Variants in MAMDC4 observed in about 807,000 individuals in gnomAD.
The protein encoded by MAMDC4 is MAM domain containing 4.
In MAMDC4, 168 loss-of-function variants were observed where a neutral mutation model predicts 153.3. The observed-to-expected ratio is 1.10, with a 90% CI of 0.97 to 1.25. MAMDC4 has a LOEUF of 1.25. Ranked by LOEUF, MAMDC4 falls within the 50% of genes most tolerant of loss-of-function variation. MAMDC4 has a pLI of 0.00. For missense variants in MAMDC4, 1,701 were observed against 1,542.8 expected, an observed-to-expected ratio of 1.10 and a Z score of -1.72; for synonymous variants, 744 against 651.5, an observed-to-expected ratio of 1.14 and a Z score of -2.16.
At chr9:136,856,624 C>T (rs765903938) in intron 14 of MAMDC4, 86 bp from the exon 15 acceptor site, 1 of 1,352,226 alleles carries the variant, frequency 7.4e-7, no homozygotes, top group South Asian at 1.2e-5. Context: ...CCTTACACTC[C>T]TCCAGGGACC....
Position 136,857,418 on chromosome 9 carries a change from G to A in MAMDC4, c.2158G>A (p.Asp720Asn), listed in dbSNP as rs768076587. ...DGYHGTMALD[D>N]VAVRPGPCWA... ...ATACCACGGCACCATGGCGCTGGAC[G>A]ATGTGGCCGTGCGGCCGGGCCCCTG... Residue 720 changes from aspartate (D) to asparagine (N), a missense_variant, in exon 18 of 27, where the codon GAT becomes AAT. By Grantham distance (23) the Asp-to-Asn change is conservative. Coordinates refer to ENST00000317446, the MANE Select transcript of MAMDC4 (RefSeq NM_206920.3). The A allele has an allele frequency of 1.6e-5, 26 of 1,608,290 alleles. No homozygotes were observed. Among genetic ancestry groups the A allele is most frequent in the Admixed American group, 1.3e-4 (8 of 60,016 alleles).
At chr9:136,859,354 C>A in intron 25 of MAMDC4, 37 bp downstream of exon 25, 1 of 1,559,830 alleles carries the variant, frequency 6.4e-7, no homozygotes. Context: ...CGGAGGAGGG[C>A]CCAAGGGGCC....
rs375923464 is a variant in MAMDC4, at chr9:136,854,632, G to A, written c.890G>A (p.Arg297His). ...SRNHRAGGPE[R>H]PSWPRRDHSR... ...AACCACCGCGCTGGTGGTCCTGAGCGCCCCTCCTGGCCACGCCGTGACCAC... is the reference window on the plus strand; with the variant it reads ...AACCACCGCGCTGGTGGTCCTGAGCACCCCTCCTGGCCACGCCGTGACCAC... The change falls in exon 8 of 27, where the codon CGC (arginine) becomes CAC (histidine). Residue 297 changes from arginine (R) to histidine (H), a missense_variant. Transcript: ENST00000317446. 1.0e-4 allele frequency: 165 copies of A among 1,608,320 alleles called. No individual in the cohort carries two copies. The African/African-American group carries it at 1.2e-3, about 12-fold the overall frequency.
chr9:136,855,691 ACT>A, intron 12 of MAMDC4, 39 bp from the exon 13 acceptor site: 2 of 1,568,638 alleles, frequency 1.3e-6, no homozygotes, highest in South Asian at 2.3e-5. Context: ...CAGGCTGAGG[ACT>A]CTGAGGACTC....
chr9:136,857,287 GC>G lies in MAMDC4; in HGVS notation c.2098del (p.Gln700SerfsTer97). The G allele has an allele frequency of 1.2e-6, 2 of 1,603,250 alleles. No homozygotes were observed. Among genetic ancestry groups the G allele is most frequent in the Non-Finnish European group, 1.7e-6 (2 of 1,175,712 alleles). ...ATLSHQPGSHAQYQLLFEGLR... is the reference protein window; with the variant it reads ...ATLSHQPGSHXQYQLLFEGLR... ...CCTTTCCCACCAGCCTGGCTCCCAT[GC>G]CCAGTACCAGGTGAGGCCTGGCACC... On this transcript the variant is annotated frameshift_variant, in exon 17 of 27. Transcript: ENST00000317446. LOFTEE classifies it high-confidence loss of function.
rs1170704385 is a variant in MAMDC4 at position 136,857,191 on chromosome 9, GA to G, written c.2001del (p.Glu669ArgfsTer128). 3 of 1,612,260 alleles carry G rather than the reference GA, an allele frequency of 1.9e-6. No homozygotes were observed. Among genetic ancestry groups the G allele is most frequent in the Non-Finnish European group, 2.5e-6 (3 of 1,179,814 alleles). On this transcript the variant is annotated frameshift_variant, in exon 17 of 27. Transcript: ENST00000317446. LOFTEE classifies it high-confidence loss of function. ...IGTLRLAMRR[E>X]GEETHLWSRS... ...GACTCTGCGCCTAGCCATGAGACGGGAAGGGGAGGAGACACACCTGTGGTCG... is the reference window on the plus strand; with the variant it reads ...GACTCTGCGCCTAGCCATGAGACGGGAGGGGAGGAGACACACCTGTGGTCG...
In MAMDC4 at chr9:136,858,673, G is replaced by A. The variant is rs372828982; in HGVS notation, c.2822-46G>A. 1.9e-6 allele frequency: 3 copies of A among 1,609,074 alleles called. No homozygotes were observed. In the African/African-American group the frequency reaches 4.0e-5, roughly 22 times the overall value. On this transcript the variant is annotated intron_variant, in intron 22 of 26. Coordinates refer to ENST00000317446, the MANE Select transcript of MAMDC4 (RefSeq NM_206920.3). ...CCGAGCCTCTGCTCGGGCCCTGAGG[G>A]CTGGCTCTGCCCATCAGCTGGGCAT...
rs1399953085 is a variant in MAMDC4 at position 136,854,095 on chromosome 9, C to T, written c.670+19C>T. On this transcript the variant is annotated intron_variant, in intron 6 of 26. Transcript: ENST00000317446. ...CTGCCCAGTAAGGCACCGCCTCTTC[C>T]TGTTCCACCCCCGGGAGGGCCCCCA... is the stretch of plus-strand genomic sequence containing the variant. 1 of 1,612,328 alleles carries T rather than the reference C, an allele frequency of 6.2e-7. No individual in the cohort carries two copies. The highest frequency in any genetic ancestry group is 8.5e-7 in the Non-Finnish European group (1 of 1,179,576).
At position 136,855,030 on chromosome 9, in the gene MAMDC4, C is replaced by T. The variant is rs1475418914; in HGVS notation, c.1117C>T (p.Leu373=). 6.2e-7 allele frequency: 1 copy of T among 1,607,424 alleles called. No individual in the cohort carries two copies. The highest frequency in any genetic ancestry group is 8.5e-7 in the Non-Finnish European group (1 of 1,178,328). The change falls in exon 10 of 27, where the codon CTG becomes TTG. Residue 373 remains leucine, a synonymous_variant. Transcript: ENST00000317446. ...GCCCGGCGCCCCCCGGGCCCCCGTC[C>T]TGCTGCGGAGGCGCCGAGGGGAGCT... ...LGPGAPRAPV[L]LRRRRGELGT... is the part of the protein sequence containing the mutation.
rs1312770406 is a variant in MAMDC4, at chr9:136,857,657, A to G, written c.2327-2A>G. 1.9e-6 allele frequency: 3 copies of G among 1,612,394 alleles called. No individual in the cohort carries two copies. The highest frequency in any genetic ancestry group is 4.5e-5 in the East Asian group (2 of 44,856). ...CTGGCAGGCTGATGCTGGCACCTCC[A>G]GGGCACTACATGGTGGTGGACACAA... is the stretch of plus-strand genomic sequence containing the variant. On this transcript the variant is annotated splice_acceptor_variant, in intron 18 of 26. Coordinates refer to ENST00000317446, the MANE Select transcript of MAMDC4 (RefSeq NM_206920.3). LOFTEE classifies it high-confidence loss of function.
Position 136,854,870 on chromosome 9 carries a change from C to A in MAMDC4, c.1023+20C>A. The A allele has an allele frequency of 1.2e-6, 2 of 1,612,688 alleles. No homozygotes were observed. Among genetic ancestry groups the A allele is most frequent in the Non-Finnish European group, 1.7e-6 (2 of 1,179,838 alleles). Reference sequence around the variant, plus strand: ...TGCTCGGTGAGATGGGTGGGGCTCACAGGGCCTCCCTGCTCTCCGTGCTGG... The same window carrying A: ...TGCTCGGTGAGATGGGTGGGGCTCAAAGGGCCTCCCTGCTCTCCGTGCTGG... On this transcript the variant is annotated intron_variant, in intron 9 of 26. Transcript: ENST00000317446.
intron 6 of MAMDC4, 23 bp downstream of exon 6, chr9:136,854,099 T>C: frequency 6.2e-7 from 1 of 1,612,196 alleles, no homozygotes; most frequent in Non-Finnish European, 8.5e-7. Context: ...CTCTTCCTGT[T>C]CCACCCCCGG....
intron 3 of MAMDC4, 41 bp from the exon 4 acceptor site, chr9:136,853,504 C>T (rs1175349593): frequency 1.2e-6 from 2 of 1,612,264 alleles, no homozygotes; most frequent in Admixed American, 1.7e-5. Flanking sequence ...CAATACCCTC[C>T]TTGCTCCCTG....
chr9:136,855,196 A>G (rs1383322691), intron 10 of MAMDC4, 58 bp from the exon 11 acceptor site: 11 of 1,580,766 alleles, frequency 7.0e-6, no homozygotes, highest in Admixed American at 5.4e-5. Context: ...GCGGGTGGAC[A>G]GGGACCAGAC....
chr9:136,855,811 AG>A lies in MAMDC4; in HGVS notation c.1552del (p.Ala518ProfsTer25). The A allele has an allele frequency of 6.5e-7, 1 of 1,534,140 alleles. No individual in the cohort carries two copies. On this transcript the variant is annotated frameshift_variant, in exon 13 of 27. Transcript: ENST00000317446. LOFTEE classifies it high-confidence loss of function. ...VGRLQWRRVS[A>X]QESQGSSAAA... ...GGCGGCTGCAGTGGCGGCGTGTCTC[AG>A]CCCAGGAGAGCCAGGGGTCCAGTGC...
intron 1 of MAMDC4, among the ~76,000 whole-genome samples, 191 bp from the exon 2 acceptor site, chr9:136,852,911 G>T (rs1417629646): frequency 6.6e-6 from 1 of 152,248 alleles, no homozygotes; most frequent in Non-Finnish European, 1.5e-5. Flanking sequence ...GCTGGAAACA[G>T]GAACGTGCTG....
chr9:136,857,133 A>T, intron 16 of MAMDC4, 32 bp from the exon 17 acceptor site: 1 of 1,608,998 alleles, frequency 6.2e-7, no homozygotes, highest in African/African-American at 1.3e-5. Context: ...CACAGGAGAG[A>T]GGTCAGTTAT....
At chr9:136,860,236 T>C (rs1365061072) in intron 26 of MAMDC4, among the ~76,000 whole-genome samples, 172 bp downstream of exon 26, 1 of 152,168 alleles carries the variant, frequency 6.6e-6, no homozygotes, top group African/African-American at 2.4e-5. Context: ...CTCCTCCTCC[T>C]TGGCCGGGCG....
Position 136,857,708 on chromosome 9 carries a change from G to C in MAMDC4, c.2376G>C (p.Gln792His). 1 of 1,612,660 alleles carries C rather than the reference G, an allele frequency of 6.2e-7. No individual in the cohort carries two copies. The highest frequency in any genetic ancestry group is 8.5e-7 in the Non-Finnish European group (1 of 1,179,856). Residue 792 changes from glutamine to histidine, a missense_variant, in exon 19 of 27, where the codon CAG (glutamine) becomes CAC (histidine). Gln to His is a conservative substitution (Grantham distance 24). Coordinates refer to ENST00000317446, the MANE Select transcript of MAMDC4 (RefSeq NM_206920.3). ...DTSPDALPRGQTASLTSKEHR... is the reference protein window; with the variant it reads ...DTSPDALPRGHTASLTSKEHR... ...GCCCAGACGCACTACCCCGGGGCCA[G>C]ACGGCCTCCCTGACCTCCAAGGAGC...
Sources: gnomAD v4.1 joint callset for allele counts (sites outside exome capture counted in the v4.1 genomes callset) on GRCh38, gnomAD v4.1.1 for gene constraint, MANE v1.5 for transcripts, NCBI Gene and HGNC (gene_info 2026-07-23, HGNC 2026-07-21) for gene names.